The following NAALADL2 variants were observed in gnomAD, a reference collection of about 807,000 sequenced individuals.
NAALADL2 encodes the protein inactive N-acetylated-alpha-linked acidic dipeptidase-like protein 2.
In NAALADL2, 76 loss-of-function variants were observed where a neutral mutation model predicts 87.2. That is an observed-to-expected ratio of 0.87 (90% CI 0.72 to 1.05). The LOEUF (loss-of-function observed/expected upper bound fraction) is 1.05. NAALADL2 is among the 50% of genes least tolerant of loss of function. The probability of loss-of-function intolerance (pLI) is 0.00; values close to 1 mark genes in which losing one functional copy is unlikely to be tolerated. For synonymous variants in NAALADL2, 354 were observed against 331.0 expected (o/e 1.07, Z -0.75); for missense variants, 1,089 against 945.8 (o/e 1.15, Z -1.99).
At chr3:175,043,287 G>A (rs1754292036) in intron 1 of NAALADL2, among the ~76,000 whole-genome samples, 1 of 152,082 alleles carries the variant, frequency 6.6e-6, no homozygotes, top group Non-Finnish European at 1.5e-5. Flanking sequence ...CACCCAGGCT[G>A]GAGTTCAGCG....
chr3:175,272,726 A>G (rs1393966950), intron 4 of NAALADL2, among the ~76,000 whole-genome samples: 1 of 152,138 alleles, frequency 6.6e-6, no homozygotes, highest in Non-Finnish European at 1.5e-5. Flanking sequence ...AAATCATATA[A>G]TATACTTCCC....
chr3:175,729,965 C>T (rs951379287), intron 11 of NAALADL2, among the ~76,000 whole-genome samples: 5 of 151,958 alleles, frequency 3.3e-5, no homozygotes, highest in Non-Finnish European at 7.4e-5. Context: ...AAGGTATAAA[C>T]TATGGTTACT....
rs187512264 is a variant in NAALADL2, at chr3:175,184,092, G to C, written c.546-49839G>C. 2.6e-5 allele frequency among the ~76,000 whole-genome samples: 4 copies of C among 152,102 alleles called. No homozygotes were observed. In the East Asian group the frequency reaches 7.7e-4, roughly 29 times the overall value. On this transcript the variant is annotated intron_variant, in intron 2 of 13. Transcript: ENST00000454872. Reference sequence around the variant, plus strand: ...CAAACATCAGTGTTTCCTGTACTATGATTGATGATGTCTCTCCATGTTCTT... The same window carrying C: ...CAAACATCAGTGTTTCCTGTACTATCATTGATGATGTCTCTCCATGTTCTT...
intron 9 of NAALADL2, among the ~76,000 whole-genome samples, chr3:175,492,250 A>T (rs1433448237): frequency 6.6e-6 from 1 of 152,180 alleles, no homozygotes; most frequent in Non-Finnish European, 1.5e-5. Context: ...TTAGTTCAGC[A>T]TGATTGGACT....
chr3:175,656,506 A>G (rs895035929), intron 11 of NAALADL2, among the ~76,000 whole-genome samples: 1 of 152,196 alleles, frequency 6.6e-6, no homozygotes, highest in African/African-American at 2.4e-5. Context: ...AATTCAAAAG[A>G]AATATTTAGA....
chr3:175,190,147 C>CT (rs1737927749), intron 2 of NAALADL2, among the ~76,000 whole-genome samples: 1 of 122,126 alleles, frequency 8.2e-6, no homozygotes, highest in Non-Finnish European at 1.9e-5. Context: ...TTGGCCTTGG[C>CT]AATATATATA....
intron 2 of NAALADL2, among the ~76,000 whole-genome samples, chr3:174,627,636 C>T (rs936041930): frequency 1.3e-5 from 2 of 152,262 alleles, no homozygotes; most frequent in African/African-American, 4.8e-5. Context: ...GACACCTGCA[C>T]GTGTATGTTT....
intron 2 of NAALADL2, among the ~76,000 whole-genome samples, chr3:175,105,127 C>T (rs1018582583): frequency 6.6e-6 from 1 of 152,162 alleles, no homozygotes; most frequent in Non-Finnish European, 1.5e-5. Flanking sequence ...TGAGATCTGG[C>T]TCAGGTGCCC....
chr3:175,476,232 T>C (rs1201963918), intron 9 of NAALADL2, among the ~76,000 whole-genome samples: 1 of 152,170 alleles, frequency 6.6e-6, no homozygotes, highest in East Asian at 1.9e-4. Context: ...ATTGTGAATA[T>C]CCCGTTTGTT....
chr3:175,005,762 A>G (rs576409525), intron 1 of NAALADL2, among the ~76,000 whole-genome samples: 252 of 152,168 alleles, frequency 1.7e-3, no homozygotes, highest in Non-Finnish European at 2.8e-3. Flanking sequence ...TTATAAATAA[A>G]TTAATCGGGG....
intron 2 of NAALADL2, among the ~76,000 whole-genome samples, chr3:174,578,737 T>A (rs986750275): frequency 2.6e-5 from 4 of 151,858 alleles, no homozygotes; most frequent in South Asian, 4.1e-4. Context: ...CTTAATTTCT[T>A]TAACAGTCAT....
intron 1 of NAALADL2, among the ~76,000 whole-genome samples, chr3:174,922,251 A>G (rs910409450): frequency 6.6e-6 from 1 of 150,678 alleles, no homozygotes; most frequent in African/African-American, 2.4e-5. Context: ...TCAAGGGGGT[A>G]TTGAGCTGTG....
rs116559300 is a variant in NAALADL2, at chr3:174,760,989, G to A, written c.-9+23243G>A. Among the ~76,000 whole-genome samples the A allele has an allele frequency of 8.4e-3, 1,276 of 152,260 alleles. 3 individuals carry two copies. The highest frequency in any genetic ancestry group is 0.018 in the African/African-American group (754 of 41,570). ...AATTCCTAATGATCCCCACACAGCT[G>A]ATGCAGTACACAAGGATTATTCACA... On this transcript the variant is annotated intron_variant, in intron 3 of 3. Coordinates refer to the NAALADL2 transcript ENST00000434257.
intron 3 of NAALADL2, among the ~76,000 whole-genome samples, chr3:174,775,103 G>A (rs1307222350): frequency 6.6e-6 from 1 of 151,972 alleles, no homozygotes. Flanking sequence ...TGCTTTACTA[G>A]TATATATATA....
chr3:174,978,004 CTAAG>C (rs1213135735), intron 1 of NAALADL2, among the ~76,000 whole-genome samples: 10 of 152,186 alleles, frequency 6.6e-5, no homozygotes, highest in African/African-American at 2.2e-4. Flanking sequence ...GTTATACAGT[CTAAG>C]TGTGTGCCAA....
At chr3:175,035,516 G>A (rs1260958812) in intron 1 of NAALADL2, among the ~76,000 whole-genome samples, 1 of 152,012 alleles carries the variant, frequency 6.6e-6, no homozygotes, top group Admixed American at 6.6e-5. Flanking sequence ...GCTCCTGAGG[G>A]GCACAATACT....
intron 1 of NAALADL2, among the ~76,000 whole-genome samples, chr3:174,880,862 A>G (rs1324005295): frequency 6.6e-6 from 1 of 152,146 alleles, no homozygotes; most frequent in Non-Finnish European, 1.5e-5. Context: ...TTAGATCCAT[A>G]TTGAGGCTCT....
At chr3:174,911,990 T>C (rs1023596577) in intron 1 of NAALADL2, among the ~76,000 whole-genome samples, 1 of 152,108 alleles carries the variant, frequency 6.6e-6, no homozygotes, top group African/African-American at 2.4e-5. Flanking sequence ...CACTGACAGT[T>C]GACAGGATGT....
intron 2 of NAALADL2, among the ~76,000 whole-genome samples, chr3:175,150,385 C>T (rs1731373312): frequency 1.3e-5 from 2 of 152,206 alleles, no homozygotes; most frequent in African/African-American, 4.8e-5. Context: ...CTTTGTTTAT[C>T]TCAGCTGTTA....
Sources: gnomAD v4.1 joint callset for allele counts (sites outside exome capture counted in the v4.1 genomes callset) on GRCh38, gnomAD v4.1.1 for gene constraint, MANE v1.5 for transcripts, NCBI Gene and HGNC (gene_info 2026-07-23, HGNC 2026-07-21) for gene names.